The following SLC25A19 variants were observed in gnomAD, a reference collection of about 807,000 sequenced individuals.
The protein encoded by SLC25A19 is mitochondrial thiamine pyrophosphate carrier.
A neutral mutation model predicts 27.9 loss-of-function variants in SLC25A19; 18 were observed. The observed-to-expected ratio is 0.64, with a 90% CI of 0.45 to 0.96. SLC25A19 has a LOEUF of 0.96. SLC25A19 is among the 40% of genes least tolerant of loss of function. The pLI is 0.00. For synonymous variants in SLC25A19, 169 were observed against 167.1 expected (o/e 1.01, Z -0.09); for missense variants, 371 against 418.3 (o/e 0.89, Z 0.99).
intron 7 of SLC25A19, among the ~76,000 whole-genome samples, chr17:75,275,353 A>T (rs1399684292): frequency 6.6e-6 from 1 of 151,942 alleles, no homozygotes; most frequent in Non-Finnish European, 1.5e-5. Flanking sequence ...ATGCATTATA[A>T]CTATAAACCC....
chr17:75,282,399 A>G (rs1414033612), intron 5 of SLC25A19, among the ~76,000 whole-genome samples: 1 of 151,952 alleles, frequency 6.6e-6, no homozygotes, highest in African/African-American at 2.4e-5. Flanking sequence ...AAAGTACAAA[A>G]AATAGCTGGG....
chr17:75,281,203 A>G (rs1389891350), intron 5 of SLC25A19, among the ~76,000 whole-genome samples: 3 of 152,044 alleles, frequency 2.0e-5, no homozygotes, highest in African/African-American at 7.2e-5. Context: ...AAATATATAT[A>G]AATAATAACA....
In SLC25A19 at chr17:75,283,401, G is replaced by A. The variant is rs116944621; in HGVS notation, c.459+22C>T. ...ACACCTTCCTTATTTGGGCTTCCCCGGTCTGGCTCCTGGCCACTCACCTTG... is the reference window on the plus strand; with the variant it reads ...ACACCTTCCTTATTTGGGCTTCCCCAGTCTGGCTCCTGGCCACTCACCTTG... On this transcript the variant is annotated intron_variant, in intron 5 of 7. Coordinates refer to ENST00000416858, the MANE Select transcript of SLC25A19 (RefSeq NM_001126121.2). 1,170 of 1,610,476 alleles carry A rather than the reference G, an allele frequency of 7.3e-4. 13 individuals are homozygous for A. In the East Asian group the frequency reaches 0.023, roughly 32 times the overall value.
chr17:75,280,320 G>A (rs924047935), intron 5 of SLC25A19, among the ~76,000 whole-genome samples: 2 of 151,752 alleles, frequency 1.3e-5, no homozygotes, highest in Middle Eastern at 3.2e-3. Flanking sequence ...GCAGTGAGCT[G>A]TAATCATACC....
rs763480652 is a variant in SLC25A19, at chr17:75,286,640, C to T, written c.125G>A (p.Arg42His). 4.3e-6 allele frequency: 7 copies of T among 1,614,040 alleles called. No homozygotes were observed. The highest frequency in any genetic ancestry group is 2.2e-5 in the South Asian group (2 of 91,092). Residue 42 changes from arginine (R) to histidine (H), a missense_variant, in exon 3 of 8, where the codon CGT becomes CAT. Coordinates refer to ENST00000416858, the MANE Select transcript of SLC25A19 (RefSeq NM_001126121.2). ...GAAAAAGGGGAAGAGTACCTGGAAA[C>T]GGATCTTGATGACGTCGAAGGGACT... ...LISPFDVIKI[R>H]FQLQHERLSR...
At chr17:75,287,574 G>A (rs975825730) in intron 2 of SLC25A19, 16 of 152,244 alleles carry the variant, frequency 1.1e-4, no homozygotes, top group African/African-American at 3.9e-4. Flanking sequence ...CGAATGAACA[G>A]GCTTGATAGG....
At position 75,289,356 on chromosome 17, in the gene SLC25A19, G is replaced by A. The variant is rs559007793; in HGVS notation, c.-131C>T. The A allele has an allele frequency of 1.3e-5, 2 of 152,192 alleles. No homozygotes were observed. The highest frequency in any genetic ancestry group is 2.1e-4 in the South Asian group (1 of 4,834). 9.4% of individuals were successfully genotyped at this position (152,192 alleles called of 1,614,324 possible). On this transcript the variant is annotated splice_region_variant and 5_prime_UTR_variant, in exon 1 of 8. Coordinates refer to ENST00000416858, the MANE Select transcript of SLC25A19 (RefSeq NM_001126121.2). ...GGACGGAGGTAGAGGTTACTCACACGGCTCGGCGGGTGCGGCCCGGCTCAG... is the reference window on the plus strand; with the variant it reads ...GGACGGAGGTAGAGGTTACTCACACAGCTCGGCGGGTGCGGCCCGGCTCAG...
At chr17:75,277,567 C>A in intron 6 of SLC25A19, 84 bp from the exon 7 acceptor site, 2 of 1,536,888 alleles carry the variant, frequency 1.3e-6, no homozygotes, top group Non-Finnish European at 1.8e-6. Flanking sequence ...AGGGCTAATC[C>A]TCCACCACAA....
chr17:75,284,058 A>T (rs1228560457), intron 4 of SLC25A19, among the ~76,000 whole-genome samples: 2 of 150,556 alleles, frequency 1.3e-5, no homozygotes, highest in Non-Finnish European at 2.9e-5. Flanking sequence ...AGCTGCACTG[A>T]GCCAAGATCA....
chr17:75,283,309 C>T, intron 5 of SLC25A19, 114 bp downstream of exon 5: 2 of 1,212,794 alleles, frequency 1.6e-6, no homozygotes, highest in Non-Finnish European at 2.2e-6. Flanking sequence ...TCAAACAAAA[C>T]AAAACAGAAC....
intron 5 of SLC25A19, among the ~76,000 whole-genome samples, chr17:75,281,251 C>CACAT (rs1334310375): frequency 6.6e-6 from 1 of 152,044 alleles, no homozygotes; most frequent in African/African-American, 2.4e-5. Flanking sequence ...CACACAGACA[C>CACAT]ACATACATAT....
At chr17:75,287,028 C>T in intron 2 of SLC25A19, 1 of 442,928 alleles carries the variant, frequency 2.3e-6, no homozygotes, top group Non-Finnish European at 4.2e-6. Context: ...CTGCAAAACC[C>T]CAACTCTACA....
At position 75,273,617 on chromosome 17, in the gene SLC25A19, A is replaced by C. The variant is rs148372053; in HGVS notation, c.797T>G (p.Met266Arg). The change falls in exon 8 of 8, where the codon ATG (methionine) becomes AGG (arginine). Residue 266 changes from methionine (M) to arginine (R), a missense_variant. Coordinates refer to ENST00000416858, the MANE Select transcript of SLC25A19 (RefSeq NM_001126121.2). ...FGQVRRYKGL[M>R]DCAKQVLQKE... ...TTGCAGCACCTGCTTGGCACAGTCC[A>C]TGAGGCCCTTGTATCTCCGTACCTG... 3.8e-4 allele frequency: 606 copies of C among 1,612,962 alleles called. 4 individuals carry two copies. The African/African-American group carries it at 7.4e-3, about 20-fold the overall frequency.
intron 2 of SLC25A19, among the ~76,000 whole-genome samples, chr17:75,287,872 C>G (rs891525191): frequency 6.6e-6 from 1 of 152,128 alleles, no homozygotes; most frequent in Non-Finnish European, 1.5e-5. Flanking sequence ...GGCCAGGCAC[C>G]GTGGCTCACG....
chr17:75,281,500 C>A (rs1309127719), intron 5 of SLC25A19, among the ~76,000 whole-genome samples: 2 of 152,064 alleles, frequency 1.3e-5, no homozygotes, highest in Non-Finnish European at 2.9e-5. Flanking sequence ...AGTTTGAGAC[C>A]AGCCTGGCCG....
Position 75,273,134 on chromosome 17 carries a change from G to A in SLC25A19, c.*317C>T. ...ACCAGGAGTGTGTTCTGTTCTCCTG[G>A]CAGGCAGGGCTGATAGGTGTAGGAT... On this transcript the variant is annotated 3_prime_UTR_variant, in exon 8 of 8. Transcript: ENST00000416858. The A allele has an allele frequency of 2.5e-6, 1 of 403,758 alleles. No homozygotes were observed. Among genetic ancestry groups the A allele is most frequent in the Admixed American group, 3.7e-5 (1 of 26,994 alleles). 25.0% of individuals were successfully genotyped at this position (403,758 alleles called of 1,614,324 possible).
At chr17:75,281,852 C>T (rs1207555444) in intron 5 of SLC25A19, among the ~76,000 whole-genome samples, 1 of 152,184 alleles carries the variant, frequency 6.6e-6, no homozygotes, top group Non-Finnish European at 1.5e-5. Context: ...AGGCTGTGAG[C>T]TCCTTTGAGG....
rs1389790833 is a variant in SLC25A19, at chr17:75,273,334, A to G, written c.*117T>C. ...CCAGCTGGGTGGGTTCAAGGCTGCT[A>G]CCCCGCTTGGGGCAGCTGGCCTGCA... is the stretch of plus-strand genomic sequence containing the variant. On this transcript the variant is annotated 3_prime_UTR_variant, in exon 8 of 8. Transcript: ENST00000416858. 1.3e-5 allele frequency: 16 copies of G among 1,191,172 alleles called. No individual in the cohort carries two copies. The East Asian group carries it at 4.1e-4, about 30-fold the overall frequency. 73.8% of individuals were successfully genotyped at this position (1,191,172 alleles called of 1,614,324 possible).
At chr17:75,276,227 A>G (rs1375283231) in intron 7 of SLC25A19, among the ~76,000 whole-genome samples, 2 of 152,236 alleles carry the variant, frequency 1.3e-5, no homozygotes, top group African/African-American at 2.4e-5. Flanking sequence ...GTGAGCCGAG[A>G]TCGTGCCATT....
Sources: gnomAD v4.1 joint callset for allele counts (sites outside exome capture counted in the v4.1 genomes callset) on GRCh38, gnomAD v4.1.1 for gene constraint, MANE v1.5 for transcripts, NCBI Gene and HGNC (gene_info 2026-07-23, HGNC 2026-07-21) for gene names.